The following HECW1 variants were observed in gnomAD, a reference collection of about 807,000 sequenced individuals.
HECW1 encodes HECT, C2 and WW domain containing E3 ubiquitin protein ligase 1.
HECW1 carries 61 observed loss-of-function variants against 182.3 expected under a neutral mutation model. The observed-to-expected ratio is 0.33, with a 90% confidence interval of 0.27 to 0.41. HECW1 has a LOEUF of 0.41. HECW1 is among the 10% of genes least tolerant of loss of function. The pLI is 1.00. For missense variants in HECW1, 1,739 were observed against 2,108.9 expected (o/e 0.82, Z 3.44); for synonymous variants, 859 against 832.6 (o/e 1.03, Z -0.55).
intron 13 of HECW1, among the ~76,000 whole-genome samples, chr7:43,461,623 C>A (rs2077586231): frequency 6.6e-6 from 1 of 152,178 alleles, no homozygotes. Flanking sequence ...GAGTCCTCAG[C>A]AGAGAGAAGA....
intron 8 of HECW1, 77 bp from the exon 9 acceptor site, chr7:43,437,926 A>C: frequency 6.9e-7 from 1 of 1,451,634 alleles, no homozygotes; most frequent in South Asian, 1.2e-5. Flanking sequence ...CAGTGACAGC[A>C]TCAAGGCAGA....
intron 2 of HECW1, 132 bp downstream of exon 2, chr7:43,114,523 C>T: frequency 1.3e-6 from 1 of 792,138 alleles, no homozygotes; most frequent in Non-Finnish European, 1.8e-6. Flanking sequence ...GGTAGAATTC[C>T]CTGTTGGTAG....
chr7:43,287,151 A>C (rs1309827009), intron 3 of HECW1, among the ~76,000 whole-genome samples: 2 of 152,218 alleles, frequency 1.3e-5, no homozygotes, highest in African/African-American at 4.8e-5. Context: ...GTTTGTTTTC[A>C]GTGGTGTTAA....
chr7:43,371,941 T>A (rs2074121434), intron 6 of HECW1, among the ~76,000 whole-genome samples: 1 of 152,148 alleles, frequency 6.6e-6, no homozygotes, highest in African/African-American at 2.4e-5. Flanking sequence ...TGCCTCAACC[T>A]CCCTAGTAGC....
In HECW1 at chr7:43,562,158, T is replaced by A; in HGVS notation, c.*232T>A. ...CAATGAACTGCTAGCCTGTATGCAA[T>A]ATTAAAAAACAGCTGTCTCAAGGTC... On this transcript the variant is annotated 3_prime_UTR_variant, in exon 30 of 30. Coordinates refer to ENST00000395891, the MANE Select transcript of HECW1 (RefSeq NM_015052.5). The A allele has an allele frequency of 2.2e-6, 1 of 464,952 alleles. No individual in the cohort carries two copies. Among genetic ancestry groups the A allele is most frequent in the African/African-American group, 2.0e-5 (1 of 50,772 alleles). 28.8% of individuals were successfully genotyped at this position (464,952 alleles called of 1,614,324 possible). A position where few individuals can be genotyped will look rare whatever the true frequency, so the allele number is the denominator to read the frequency against.
chr7:43,431,993 A>G (rs1370096386), intron 8 of HECW1, among the ~76,000 whole-genome samples: 1 of 151,190 alleles, frequency 6.6e-6, no homozygotes, highest in African/African-American at 2.4e-5. Context: ...ATGCCTGGCT[A>G]ATTTTTGTAG....
intron 29 of HECW1, among the ~76,000 whole-genome samples, chr7:43,557,231 G>A (rs1388504708): frequency 6.6e-6 from 1 of 152,212 alleles, no homozygotes; most frequent in Non-Finnish European, 1.5e-5. Flanking sequence ...GGTGGCATGG[G>A]CTTCCCAGGT....
chr7:43,425,207 A>G (rs1488553353), intron 8 of HECW1, among the ~76,000 whole-genome samples: 2 of 146,856 alleles, frequency 1.4e-5, no homozygotes, highest in African/African-American at 5.0e-5. Context: ...TGGATATTTT[A>G]TATATTTACC....
chr7:43,246,107 C>A (rs1054939699), intron 3 of HECW1, among the ~76,000 whole-genome samples: 1 of 150,888 alleles, frequency 6.6e-6, no homozygotes, highest in African/African-American at 2.5e-5. Flanking sequence ...GAGACCAGCC[C>A]GAGCCATAGG....
chr7:43,282,535 C>T (rs563334544), intron 3 of HECW1, among the ~76,000 whole-genome samples: 1 of 151,816 alleles, frequency 6.6e-6, no homozygotes, highest in African/African-American at 2.4e-5. Context: ...GAAGAGAGAC[C>T]GAACATATGA....
At chr7:43,119,811 A>G (rs1785404602) in intron 2 of HECW1, among the ~76,000 whole-genome samples, 1 of 152,120 alleles carries the variant, frequency 6.6e-6, no homozygotes. Context: ...ACCCAGATCC[A>G]GCTTTCAATA....
At chr7:43,219,698 A>G (rs1796784446) in intron 2 of HECW1, among the ~76,000 whole-genome samples, 1 of 152,196 alleles carries the variant, frequency 6.6e-6, no homozygotes, top group Non-Finnish European at 1.5e-5. Flanking sequence ...TTTCTATACA[A>G]TGTCTGTAAT....
intron 2 of HECW1, among the ~76,000 whole-genome samples, chr7:43,147,009 T>G (rs1243972094): frequency 6.6e-6 from 1 of 152,236 alleles, no homozygotes; most frequent in Non-Finnish European, 1.5e-5. Context: ...TGTGGCAGTG[T>G]ATTTGCATAC....
chr7:43,482,728 G>A (rs1226505546), intron 17 of HECW1, among the ~76,000 whole-genome samples: 1 of 152,032 alleles, frequency 6.6e-6, no homozygotes. Context: ...CAGCATGGCA[G>A]GACCTTTTCT....
chr7:43,540,941 A>G (rs2081341887), intron 24 of HECW1, among the ~76,000 whole-genome samples: 1 of 152,130 alleles, frequency 6.6e-6, no homozygotes, highest in African/African-American at 2.4e-5. Context: ...AGTCTGCTAC[A>G]TGGCTGGAAG....
intron 24 of HECW1, among the ~76,000 whole-genome samples, chr7:43,533,703 C>T (rs1052394824): frequency 1.3e-4 from 20 of 152,194 alleles, no homozygotes; most frequent in African/African-American, 4.8e-4. Flanking sequence ...GTTCCTGCAT[C>T]TGCCTCAGCC....
intron 8 of HECW1, among the ~76,000 whole-genome samples, chr7:43,425,809 A>C (rs907364273): frequency 3.3e-5 from 5 of 152,170 alleles, no homozygotes; most frequent in African/African-American, 4.8e-5. Flanking sequence ...CAGAGCCTTC[A>C]TGACCTAATC....
intron 3 of HECW1, among the ~76,000 whole-genome samples, chr7:43,246,440 C>G (rs1418892212): frequency 6.6e-6 from 1 of 152,214 alleles, no homozygotes; most frequent in Non-Finnish European, 1.5e-5. Flanking sequence ...GCTATAAACA[C>G]CGGTTCTCAA....
At chr7:43,225,459 G>A (rs953763867) in intron 2 of HECW1, among the ~76,000 whole-genome samples, 1 of 152,058 alleles carries the variant, frequency 6.6e-6, no homozygotes, top group African/African-American at 2.4e-5. Context: ...GTAAGAAAGC[G>A]ATTTGCTTGA....
Sources: gnomAD v4.1 joint callset for allele counts (sites outside exome capture counted in the v4.1 genomes callset) on GRCh38, gnomAD v4.1.1 for gene constraint, MANE v1.5 for transcripts, NCBI Gene and HGNC (gene_info 2026-07-23, HGNC 2026-07-21) for gene names.